The following LRMDA variants were observed in gnomAD, a reference collection of about 807,000 sequenced individuals.
LRMDA encodes the protein leucine-rich melanocyte differentiation-associated protein.
A neutral mutation model predicts 29.8 loss-of-function variants in LRMDA; 18 were observed. The ratio of observed to expected loss-of-function variants is 0.60; its 90% confidence interval spans 0.42 to 0.90. The LOEUF (loss-of-function observed/expected upper bound fraction) is 0.90, where lower values mean the gene tolerates loss of function less well. Among genes scored for constraint, LRMDA ranks in the 40% least tolerant of loss-of-function variants. The pLI is 0.00. For synonymous variants in LRMDA, 125 were observed against 109.4 expected (o/e 1.14, Z -0.89); for missense variants, 273 against 273.9 (o/e 1.00, Z 0.02).
intron 2 of LRMDA, among the ~76,000 whole-genome samples, chr10:75,975,286 T>C (rs940587105): frequency 2.6e-5 from 4 of 152,210 alleles, no homozygotes; most frequent in African/African-American, 9.6e-5. Context: ...TCTACACTGA[T>C]GGTTGTTTCC....
chr10:75,735,185 C>A (rs1326286638), intron 2 of LRMDA, among the ~76,000 whole-genome samples: 1 of 152,156 alleles, frequency 6.6e-6, no homozygotes, highest in African/African-American at 2.4e-5. Flanking sequence ...CTGAGGAGTA[C>A]AGTAGGGTAT....
chr10:75,701,699 C>G (rs1842310270), intron 2 of LRMDA, among the ~76,000 whole-genome samples: 1 of 152,196 alleles, frequency 6.6e-6, no homozygotes, highest in African/African-American at 2.4e-5. Context: ...GCTGAGTCAG[C>G]TCAGTCTTTA....
At chr10:75,955,902 T>C (rs1467901013) in intron 2 of LRMDA, among the ~76,000 whole-genome samples, 2 of 152,362 alleles carry the variant, frequency 1.3e-5, no homozygotes, top group Middle Eastern at 3.4e-3. Context: ...AGTATGTCTT[T>C]ATTTTTAATA....
chr10:75,624,494 C>T (rs1019745954), intron 2 of LRMDA, among the ~76,000 whole-genome samples: 9 of 152,086 alleles, frequency 5.9e-5, no homozygotes, highest in African/African-American at 1.7e-4. Context: ...TATTTTATCA[C>T]ATATTTCTAC....
chr10:75,885,611 G>T (rs144808974), intron 2 of LRMDA, among the ~76,000 whole-genome samples: 1 of 152,184 alleles, frequency 6.6e-6, no homozygotes, highest in African/African-American at 2.4e-5. Context: ...GAAAGATCAC[G>T]TAGAGGAGTT....
At chr10:75,874,059 A>G (rs1000579311) in intron 2 of LRMDA, among the ~76,000 whole-genome samples, 1 of 152,102 alleles carries the variant, frequency 6.6e-6, no homozygotes, top group East Asian at 1.9e-4. Flanking sequence ...TCATCCCTAT[A>G]CTTACCACAT....
At chr10:76,025,914 C>T (rs557589078) in intron 2 of LRMDA, among the ~76,000 whole-genome samples, 1 of 152,284 alleles carries the variant, frequency 6.6e-6, no homozygotes, top group Non-Finnish European at 1.5e-5. Context: ...CACAGTCATC[C>T]TTGTAGCTCC....
intron 2 of LRMDA, among the ~76,000 whole-genome samples, chr10:75,808,134 A>G (rs962234707): frequency 2.0e-5 from 3 of 152,108 alleles, no homozygotes; most frequent in African/African-American, 7.2e-5. Context: ...TTTCAGCCTC[A>G]TTCTTTAGTG....
At chr10:76,129,964 G>A (rs1849957119) in intron 5 of LRMDA, among the ~76,000 whole-genome samples, 1 of 152,002 alleles carries the variant, frequency 6.6e-6, no homozygotes, top group South Asian at 2.1e-4. Flanking sequence ...TGTAAAATGG[G>A]GTAATAACCA....
At chr10:76,224,170 A>G (rs1285786997) in intron 5 of LRMDA, among the ~76,000 whole-genome samples, 9 of 152,068 alleles carry the variant, frequency 5.9e-5, no homozygotes, top group Non-Finnish European at 1.5e-5. Context: ...ATATATCATT[A>G]TGTTAAAATT....
intron 2 of LRMDA, among the ~76,000 whole-genome samples, chr10:75,480,708 C>T (rs1368412460): frequency 6.6e-6 from 1 of 152,168 alleles, no homozygotes; most frequent in Non-Finnish European, 1.5e-5. Context: ...CATGTTTGTA[C>T]TTTAGAAAGA....
At chr10:75,568,471 A>G (rs1434488092) in intron 2 of LRMDA, among the ~76,000 whole-genome samples, 3 of 152,220 alleles carry the variant, frequency 2.0e-5, no homozygotes, top group African/African-American at 7.2e-5. Context: ...GAAATTAATT[A>G]AACATATACT....
chr10:76,414,063 C>T (rs1453410218), intron 6 of LRMDA, among the ~76,000 whole-genome samples: 1 of 152,208 alleles, frequency 6.6e-6, no homozygotes, highest in Non-Finnish European at 1.5e-5. Context: ...TAAGCCCAAG[C>T]TTTCAAGCAC....
rs374823362 is a variant in LRMDA, at chr10:75,542,858, C to A, written c.131+104364C>A. On this transcript the variant is annotated intron_variant, in intron 2 of 6. Coordinates refer to ENST00000611255, the MANE Select transcript of LRMDA (RefSeq NM_001305581.2). The stretch of plus-strand genomic sequence containing the variant: ...CAACGTGGCCCCATTGCAGGCCCTT[C>A]GGAAATCTCCTCTACCAGGCCCCTT... Among the ~76,000 whole-genome samples, 3 of 152,294 alleles carry A rather than the reference C, an allele frequency of 2.0e-5. No individual in the cohort carries two copies. The South Asian group carries it at 6.2e-4, about 32-fold the overall frequency.
intron 2 of LRMDA, among the ~76,000 whole-genome samples, chr10:76,010,062 C>T (rs1262223536): frequency 6.6e-6 from 1 of 152,182 alleles, no homozygotes; most frequent in Non-Finnish European, 1.5e-5. Flanking sequence ...CAAGTTCCCT[C>T]CCCCTGAAGG....
intron 5 of LRMDA, among the ~76,000 whole-genome samples, chr10:76,224,667 CTTTTTT>C (rs35143239): frequency 1.3e-3 from 140 of 105,352 alleles, no homozygotes; most frequent in Middle Eastern, 6.0e-3. Flanking sequence ...GTCTAGGACT[CTTTTTT>C]TTTTTTTTTT....
intron 5 of LRMDA, among the ~76,000 whole-genome samples, chr10:76,240,404 G>A (rs1002706988): frequency 1.4e-5 from 2 of 144,424 alleles, no homozygotes; most frequent in Non-Finnish European, 3.0e-5. Context: ...ATAAATATAT[G>A]TAATATATAT....
At chr10:76,355,220 G>GA (rs1328441220) in intron 6 of LRMDA, among the ~76,000 whole-genome samples, 2 of 152,136 alleles carry the variant, frequency 1.3e-5, no homozygotes, top group African/African-American at 4.8e-5. Flanking sequence ...GTGCCAAAGT[G>GA]ACTAGAATCG....
chr10:76,067,375 A>G (rs1465693897), intron 5 of LRMDA, among the ~76,000 whole-genome samples: 2 of 152,170 alleles, frequency 1.3e-5, no homozygotes, highest in African/African-American at 4.8e-5. Flanking sequence ...CACTTTGGAA[A>G]AGTATCTTTG....
Sources: allele counts gnomAD v4.1 joint callset (sites outside exome capture counted in the v4.1 genomes callset), GRCh38; gene constraint gnomAD v4.1.1; transcripts MANE v1.5; gene names NCBI Gene and HGNC (gene_info 2026-07-23, HGNC 2026-07-21).